Variants in KCNJ18 observed in about 807,000 individuals in gnomAD.
The protein encoded by KCNJ18 is inward rectifier potassium channel 18.
A neutral mutation model predicts 17.3 loss-of-function variants in KCNJ18; 16 were observed. That is an observed-to-expected ratio of 0.92 (90% CI 0.62 to 1.40). The LOEUF is 1.40. Ranked by LOEUF, KCNJ18 falls within the 40% of genes most tolerant of loss-of-function variation. KCNJ18 has a pLI of 0.00. For missense variants in KCNJ18, 462 were observed against 626.8 expected (o/e 0.74, Z 2.81); for synonymous variants, 185 against 262.6 (o/e 0.70, Z 2.86).
chr17:21,701,815 G>A (rs1284155530), intron 2 of KCNJ18, among the ~76,000 whole-genome samples: 5 of 152,350 alleles, frequency 3.3e-5, no homozygotes, highest in African/African-American at 1.2e-4. Flanking sequence ...GGAAGCTGAG[G>A]CAGGAGAATC....
chr17:21,702,020 A>G (rs1283125299), intron 2 of KCNJ18, among the ~76,000 whole-genome samples: 1 of 152,262 alleles, frequency 6.6e-6, no homozygotes, highest in African/African-American at 2.4e-5. Flanking sequence ...CAGCTACGTT[A>G]TTGTTATTGC....
chr17:21,699,715 G>T (rs1209561572), intron 2 of KCNJ18, among the ~76,000 whole-genome samples: 3 of 152,308 alleles, frequency 2.0e-5, no homozygotes, highest in South Asian at 4.1e-4. Flanking sequence ...AGAAGTGGGG[G>T]TTTCCAAGCC....
intron 2 of KCNJ18, among the ~76,000 whole-genome samples, chr17:21,696,790 G>T (rs1341978098): frequency 6.6e-6 from 1 of 150,618 alleles, no homozygotes; most frequent in Non-Finnish European, 1.5e-5. Context: ...AGGAGACTTG[G>T]TGTACAGCAT....
chr17:21,702,056 G>T, intron 2 of KCNJ18, among the ~76,000 whole-genome samples: 1 of 152,300 alleles, frequency 6.6e-6, no homozygotes, highest in African/African-American at 2.4e-5. Context: ...CTTAGAAAGG[G>T]CAGTGCTGTG....
At chr17:21,695,260 C>A in intron 1 of KCNJ18, among the ~76,000 whole-genome samples, 1 of 21,198 alleles carries the variant, frequency 4.7e-5, no homozygotes. Context: ...CTCATCCATT[C>A]ACCCATTCAT....
rs1356042279 is a variant in KCNJ18 at position 21,704,139 on chromosome 17, G to A, written c.*51G>A. 61 of 1,477,266 alleles carry A rather than the reference G, an allele frequency of 4.1e-5. No individual in the cohort carries two copies. The highest frequency in any genetic ancestry group is 4.8e-5 in the Non-Finnish European group (54 of 1,114,230). 91.5% of individuals were successfully genotyped at this position (1,477,266 alleles called of 1,614,324 possible). On this transcript the variant is annotated 3_prime_UTR_variant, in exon 3 of 3. Transcript: ENST00000567955. ...CCACCCCTGGCCGGGGAGAGGCCCC[G>A]CGGTCGCTCAGGGGCCCTGGGTTTG...
chr17:21,696,402 C>T (rs1341351703), intron 2 of KCNJ18, among the ~76,000 whole-genome samples: 3 of 152,168 alleles, frequency 2.0e-5, no homozygotes, highest in Admixed American at 1.3e-4. Context: ...CTATCATCCA[C>T]CCACCCATCT....
chr17:21,693,812 C>T (rs1229142485), intron 1 of KCNJ18, among the ~76,000 whole-genome samples: 12 of 152,222 alleles, frequency 7.9e-5, no homozygotes, highest in African/African-American at 2.2e-4. Flanking sequence ...TCCACCCGTC[C>T]ATCCATCCAC....
intron 2 of KCNJ18, among the ~76,000 whole-genome samples, chr17:21,702,008 C>T (rs1905972208): frequency 6.6e-6 from 1 of 152,268 alleles, no homozygotes; most frequent in African/African-American, 2.4e-5. Flanking sequence ...GTTGAGTGCC[C>T]CCAGCTACGT....
At chr17:21,694,033 A>G (rs1905685388) in intron 1 of KCNJ18, among the ~76,000 whole-genome samples, 1 of 152,082 alleles carries the variant, frequency 6.6e-6, no homozygotes. Flanking sequence ...GAGAGAGGGG[A>G]AGTGACTCAC....
rs1357044530 is a variant in KCNJ18, at chr17:21,702,830, T to A, written c.44T>A (p.Leu15Ter). 12 of 1,590,270 alleles carry A rather than the reference T, an allele frequency of 7.5e-6. No homozygotes were observed. The South Asian group carries it at 1.1e-4, about 15-fold the overall frequency. Residue 15 changes from leucine (L) to a stop codon, truncating the protein, a stop_gained, in exon 3 of 3, where the codon TTG becomes TAG. Transcript: ENST00000567955. LOFTEE classifies it high-confidence loss of function. ...GCCAACCCCTACAGCATCGTGTCATTGGAGGAGGACGGGCTGCACCTGGTC... is the reference window on the plus strand; with the variant it reads ...GCCAACCCCTACAGCATCGTGTCATAGGAGGAGGACGGGCTGCACCTGGTC... The part of the protein sequence containing the change: ...SRANPYSIVS[L>*]EEDGLHLVTM...
chr17:21,702,099 G>A (rs1299025446), intron 2 of KCNJ18, among the ~76,000 whole-genome samples: 12 of 152,290 alleles, frequency 7.9e-5, no homozygotes, highest in African/African-American at 2.6e-4. Context: ...GGTCTTCCTG[G>A]GGCACAAGGA....
rs1310712848 is a variant in KCNJ18 at position 21,702,211 on chromosome 17, T to A, written c.-56-520T>A. ...CCTGGTGCCAGGGGCTGTGGCTGGA[T>A]GGGGAGTCCGCTGGAGGAGGCTGGG... On this transcript the variant is annotated intron_variant, in intron 2 of 2. Coordinates refer to ENST00000567955, the MANE Select transcript of KCNJ18 (RefSeq NM_001194958.2). Among the ~76,000 whole-genome samples the A allele has an allele frequency of 9.9e-3, 1,487 of 150,334 alleles. 13 individuals are homozygous for A. The highest frequency in any genetic ancestry group is 0.013 in the Non-Finnish European group (852 of 67,232).
Position 21,704,240 on chromosome 17 carries a change from C to T in KCNJ18, c.*152C>T. The stretch of plus-strand genomic sequence containing the variant: ...GTTTTATGTTTCTTTGCAAAGGCCT[C>T]AGAAGGTTGGCCGGAGAGGGGGCAG... On this transcript the variant is annotated 3_prime_UTR_variant, in exon 3 of 3. Transcript: ENST00000567955. 1 of 1,013,862 alleles carries T rather than the reference C, an allele frequency of 9.9e-7. No homozygotes were observed. Among genetic ancestry groups the T allele is most frequent in the Admixed American group, 3.1e-5 (1 of 32,776 alleles). The allele number at this position is 1,013,862 out of a possible 1,614,324, so 62.8% of individuals were successfully genotyped here. A position where few individuals can be genotyped will look rare whatever the true frequency, so the allele number is the denominator to read the frequency against.
chr17:21,693,719 T>A (rs1236277738), intron 1 of KCNJ18, among the ~76,000 whole-genome samples: 2 of 152,302 alleles, frequency 1.3e-5, no homozygotes, highest in Non-Finnish European at 2.9e-5. Context: ...CCCAAGTCCC[T>A]GCCGTGGAGG....
At chr17:21,695,541 T>C (rs1460405446) in intron 1 of KCNJ18, among the ~76,000 whole-genome samples, 7 of 152,390 alleles carry the variant, frequency 4.6e-5, no homozygotes, top group African/African-American at 1.4e-4. Flanking sequence ...AAGGTTGGCG[T>C]TGGGAAGGCT....
Position 21,703,675 on chromosome 17 carries a change from G to C in KCNJ18, c.889G>C (p.Val297Leu). 3 of 1,246,822 alleles carry C rather than the reference G, an allele frequency of 2.4e-6. No individual in the cohort carries two copies. Among genetic ancestry groups the C allele is most frequent in the Non-Finnish European group, 3.2e-6 (3 of 923,600 alleles). 77.2% of individuals were successfully genotyped at this position (1,246,822 alleles called of 1,614,324 possible). ...DLETDDFEIV[V>L]ILEGMVEATA... ...GGAGACGGACGACTTTGAGATCGTGGTCATCCTGGAAGGCATGGTGGAGGC... is the reference window on the plus strand; with the variant it reads ...GGAGACGGACGACTTTGAGATCGTGCTCATCCTGGAAGGCATGGTGGAGGC... Residue 297 changes from valine (V) to leucine (L), a missense_variant, in exon 3 of 3, where the codon GTC becomes CTC. Physicochemically the swap from Val to Leu is conservative, Grantham distance 32 (BLOSUM62 1). Transcript: ENST00000567955.
chr17:21,703,155 T>C lies in KCNJ18; in HGVS notation c.369T>C (p.Cys123=), dbSNP rs1906028614. 3 of 1,611,040 alleles carry C rather than the reference T, an allele frequency of 1.9e-6. No homozygotes were observed. Among genetic ancestry groups the C allele is most frequent in the Non-Finnish European group, 2.5e-6 (3 of 1,179,276 alleles). ...CTGAGGGCCACGGCCGCACACCCTG[T>C]GTGATGCAGGTGCACGGCTTCATGG... ...EPAEGHGRTP[C]VMQVHGFMAA... is the part of the protein sequence containing the mutation. Residue 123 remains cysteine, a synonymous_variant, in exon 3 of 3, where the codon TGT becomes TGC. Coordinates refer to ENST00000567955, the MANE Select transcript of KCNJ18 (RefSeq NM_001194958.2).
chr17:21,701,917 GAAAAAAAAAAGA>G (rs1466209833), intron 2 of KCNJ18, among the ~76,000 whole-genome samples: 2 of 26,242 alleles, frequency 7.6e-5, no homozygotes, highest in Non-Finnish European at 2.5e-4. Context: ...GTCTAAAAAA[GAAAAAAAAAAGA>G]AAAAAGAAAA....
Sources: allele counts gnomAD v4.1 joint callset (sites outside exome capture counted in the v4.1 genomes callset), GRCh38; gene constraint gnomAD v4.1.1; transcripts MANE v1.5; gene names NCBI Gene and HGNC (gene_info 2026-07-23, HGNC 2026-07-21).